Variants in DIPK1A observed in about 807,000 individuals in gnomAD.
The protein encoded by DIPK1A is family with sequence similarity 69 member A.
Under a neutral mutation model 40.8 loss-of-function variants are expected in DIPK1A, and 27 were observed. That is an observed-to-expected ratio of 0.66 (90% CI 0.49 to 0.91). DIPK1A has a LOEUF of 0.91. DIPK1A is among the 40% of genes least tolerant of loss of function. DIPK1A has a pLI of 0.00. For missense variants in DIPK1A, 412 were observed against 505.7 expected (o/e 0.81, Z 1.78); for synonymous variants, 166 against 171.3 (o/e 0.97, Z 0.24).
At chr1:92,846,088 T>C (rs911271377) in intron 4 of DIPK1A, 2 of 159,396 alleles carry the variant, frequency 1.3e-5, no homozygotes, top group Non-Finnish European at 2.8e-5. Context: ...CAGGCTGTGT[T>C]CTTATACTGA....
At chr1:92,837,840 T>G (rs1266071083), downstream of DIPK1A, 1 of 578,402 alleles carries the variant, frequency 1.7e-6, no homozygotes, top group African/African-American at 1.9e-5. Context: ...ATGCTTTGGC[T>G]GTTCTGTATT....
At chr1:92,867,587 C>T (rs572238272) in intron 2 of DIPK1A, among the ~76,000 whole-genome samples, 2 of 152,254 alleles carry the variant, frequency 1.3e-5, no homozygotes, top group East Asian at 3.9e-4. Flanking sequence ...CTCACTGCAA[C>T]CTCTGCCTCC....
chr1:92,890,086 G>A (rs1298183331), intron 1 of DIPK1A, among the ~76,000 whole-genome samples: 1 of 152,030 alleles, frequency 6.6e-6, no homozygotes, highest in Non-Finnish European at 1.5e-5. Context: ...TATTGTAAAT[G>A]GGATTTCTTT....
intron 1 of DIPK1A, among the ~76,000 whole-genome samples, chr1:92,939,169 T>C (rs1189972320): frequency 6.6e-6 from 1 of 152,238 alleles, no homozygotes; most frequent in Non-Finnish European, 1.5e-5. Flanking sequence ...CTCAAAGTGC[T>C]GGGATTACAG....
intron 1 of DIPK1A, among the ~76,000 whole-genome samples, chr1:92,881,720 T>G (rs1359090341): frequency 6.6e-6 from 1 of 152,182 alleles, no homozygotes; most frequent in Admixed American, 6.5e-5. Flanking sequence ...CAAAATCACA[T>G]GTATGATATG....
At chr1:92,903,611 G>T (rs1357644761) in intron 1 of DIPK1A, among the ~76,000 whole-genome samples, 4 of 152,162 alleles carry the variant, frequency 2.6e-5, no homozygotes, top group Non-Finnish European at 4.4e-5. Flanking sequence ...ATTTATCTAG[G>T]AAATGTATGT....
rs192418036 is a variant in DIPK1A, at chr1:92,912,565, T to C, written c.55-36135A>G. 3.9e-3 allele frequency among the ~76,000 whole-genome samples: 593 copies of C among 152,236 alleles called. 3 individuals are homozygous for C. The highest frequency in any genetic ancestry group is 0.014 in the African/African-American group (572 of 41,534). On this transcript the variant is annotated intron_variant, in intron 1 of 4. Coordinates refer to ENST00000370310, the MANE Select transcript of DIPK1A (RefSeq NM_001006605.5). Reference sequence around the variant, plus strand: ...AATACTATAGAATGTTAGATACCTATAAAAAACATATTAGATCACTTTCAA... The same window carrying C: ...AATACTATAGAATGTTAGATACCTACAAAAAACATATTAGATCACTTTCAA...
chr1:92,943,973 A>C (rs1343061228), intron 1 of DIPK1A, among the ~76,000 whole-genome samples: 1 of 152,194 alleles, frequency 6.6e-6, no homozygotes, highest in Non-Finnish European at 1.5e-5. Context: ...GCATAAGAAA[A>C]CATTAAAAAA....
At chr1:92,922,933 T>A (rs1197217007) in intron 1 of DIPK1A, among the ~76,000 whole-genome samples, 1 of 152,152 alleles carries the variant, frequency 6.6e-6, no homozygotes, top group Non-Finnish European at 1.5e-5. Flanking sequence ...CTCCTTTTTT[T>A]TTTTTCCTCT....
At chr1:92,846,718 TC>T (rs1687613138) in intron 4 of DIPK1A, 1 of 225,248 alleles carries the variant, frequency 4.4e-6, no homozygotes, top group East Asian at 1.1e-4. Context: ...AACCTCGACC[TC>T]CCAGGCTCAA....
intron 2 of DIPK1A, among the ~76,000 whole-genome samples, chr1:92,857,435 C>T (rs1468486814): frequency 6.6e-6 from 1 of 151,644 alleles, no homozygotes; most frequent in Non-Finnish European, 1.5e-5. Context: ...GATTCTCCTG[C>T]CTCAGTCTCC....
intron 1 of DIPK1A, among the ~76,000 whole-genome samples, chr1:92,890,154 T>A (rs1648795277): frequency 6.6e-6 from 1 of 152,254 alleles, no homozygotes; most frequent in African/African-American, 2.4e-5. Context: ...CTGATTTTTG[T>A]ATATTGATTT....
intron 1 of DIPK1A, among the ~76,000 whole-genome samples, chr1:92,908,490 T>C (rs571151194): frequency 5.3e-5 from 8 of 152,192 alleles, no homozygotes; most frequent in South Asian, 2.1e-4. Flanking sequence ...AAAATATCCA[T>C]TGGATTTAGT....
chr1:92,852,200 A>AT (rs550389620), intron 2 of DIPK1A, among the ~76,000 whole-genome samples: 2 of 152,212 alleles, frequency 1.3e-5, no homozygotes, highest in Non-Finnish European at 2.9e-5. Context: ...CAAATGTCAG[A>AT]TAAAAAAAAT....
At chr1:92,906,506 A>G (rs1571112716) in intron 1 of DIPK1A, among the ~76,000 whole-genome samples, 1 of 152,236 alleles carries the variant, frequency 6.6e-6, no homozygotes, top group Non-Finnish European at 1.5e-5. Context: ...TAGTGTCTTC[A>G]TCAATAAAAT....
At chr1:92,872,347 G>C (rs1056964973) in intron 2 of DIPK1A, among the ~76,000 whole-genome samples, 14 of 152,074 alleles carry the variant, frequency 9.2e-5, no homozygotes, top group African/African-American at 3.4e-4. Context: ...CTCCCAAAGT[G>C]CTGGGATTAC....
At chr1:92,886,983 T>C (rs1408479976) in intron 1 of DIPK1A, among the ~76,000 whole-genome samples, 6 of 151,968 alleles carry the variant, frequency 3.9e-5, no homozygotes, top group Non-Finnish European at 8.8e-5. Flanking sequence ...TTTACCGAAA[T>C]AGTTTGCTGA....
intron 1 of DIPK1A, among the ~76,000 whole-genome samples, chr1:92,920,270 C>A (rs543931329): frequency 5.3e-5 from 8 of 152,194 alleles, no homozygotes; most frequent in African/African-American, 1.9e-4. Flanking sequence ...GCAGTTTCCC[C>A]TATACTGTTC....
intron 2 of DIPK1A, among the ~76,000 whole-genome samples, chr1:92,860,820 ATAAGT>A (rs1647229487): frequency 6.6e-6 from 1 of 152,080 alleles, no homozygotes; most frequent in Admixed American, 6.6e-5. Context: ...TAGAACTTTA[ATAAGT>A]TTACAGGCAG....
Sources: gnomAD v4.1 joint callset for allele counts (sites outside exome capture counted in the v4.1 genomes callset) on GRCh38, gnomAD v4.1.1 for gene constraint, MANE v1.5 for transcripts, NCBI Gene and HGNC (gene_info 2026-07-23, HGNC 2026-07-21) for gene names.